Variants in SHOX observed in about 807,000 individuals in gnomAD.
The protein encoded by SHOX is SHOX homeobox, also known as short stature homeobox protein.
In SHOX, 12 loss-of-function variants were observed where a neutral mutation model predicts 29.6. That is an observed-to-expected ratio of 0.41 (90% confidence interval 0.26 to 0.66). The LOEUF (loss-of-function observed/expected upper bound fraction) is 0.66. SHOX is among the 30% of genes least tolerant of loss of function. The pLI, the probability that SHOX is intolerant of heterozygous loss-of-function variation, is 0.35. For missense variants in SHOX, 499 were observed against 437.7 expected, an observed-to-expected ratio of 1.14 and a Z score of -1.25; for synonymous variants, 214 against 200.6, an observed-to-expected ratio of 1.07 and a Z score of -0.57.
Position 649,020 on chromosome X carries a change from T to G in SHOX, c.*4384T>G, listed in dbSNP as rs2053011178. Among the ~76,000 whole-genome samples the G allele has an allele frequency of 7.9e-6, 1 of 127,046 alleles. No homozygotes were observed. Among genetic ancestry groups the G allele is most frequent in the African/African-American group, 3.3e-5 (1 of 30,532 alleles). The allele number at this position is 127,046 out of a possible 152,430, so 83.3% of individuals were successfully genotyped here. A position where few individuals can be genotyped will look rare whatever the true frequency, so the allele number is the denominator to read the frequency against. The stretch of plus-strand genomic sequence containing the variant: ...TTTTCCTTTTTTGTTTCTTTCTTTC[T>G]TTTTCTTTCTTTCTTTTTCTTTCTT... On this transcript the variant is annotated 3_prime_UTR_variant, in exon 5 of 5. Transcript: ENST00000686671.
At position 645,675 on chromosome X, in the gene SHOX, G is replaced by A. The variant is rs1034339650; in HGVS notation, c.*1039G>A. Reference sequence around the variant, plus strand: ...GCCCTTTGCAAAAATCACGGGTGTAGAGATGGCCCTGGGCGCGCTGGGAGT... The same window carrying A: ...GCCCTTTGCAAAAATCACGGGTGTAAAGATGGCCCTGGGCGCGCTGGGAGT... On this transcript the variant is annotated 3_prime_UTR_variant, in exon 5 of 5. Transcript: ENST00000686671. The A allele has an allele frequency of 6.6e-6, 1 of 152,162 alleles. No individual in the cohort carries two copies. The highest frequency in any genetic ancestry group is 1.5e-5 in the Non-Finnish European group (1 of 68,052). 9.4% of individuals were successfully genotyped at this position (152,162 alleles called of 1,614,324 possible).
intron 5 of SHOX, among the ~76,000 whole-genome samples, chrX:657,915 G>T (rs1286642477): frequency 4.6e-5 from 7 of 152,130 alleles, no homozygotes; most frequent in Admixed American, 3.9e-4. Context: ...CCTTTGGAAG[G>T]CCATATATGG....
chrX:642,093 C>A (rs1444841213), intron 4 of SHOX, among the ~76,000 whole-genome samples: 2 of 152,192 alleles, frequency 1.3e-5, no homozygotes, highest in African/African-American at 4.8e-5. Flanking sequence ...CCCAAGGGCG[C>A]CCCCGCCCTG....
At chrX:633,200 T>C (rs1307881292) in intron 1 of SHOX, among the ~76,000 whole-genome samples, 2 of 152,098 alleles carry the variant, frequency 1.3e-5, no homozygotes, top group Admixed American at 1.3e-4. Flanking sequence ...CGTGGAAGCC[T>C]GGAGTTTTTG....
In SHOX at chrX:644,767, T is replaced by A. The variant is rs2052934249; in HGVS notation, c.*131T>A. ...GTGCTCCGGGCACCCCGGGAGCTCC[T>A]GCAAGAGGCCTGAGGAGGGAGGCTC... is the stretch of plus-strand genomic sequence containing the variant. On this transcript the variant is annotated 3_prime_UTR_variant, in exon 5 of 5. Coordinates refer to ENST00000686671, the MANE Select transcript of SHOX (RefSeq NM_000451.4). 8.1e-7 allele frequency: 1 copy of A among 1,239,848 alleles called. No individual in the cohort carries two copies. 76.8% of individuals were successfully genotyped at this position (1,239,848 alleles called of 1,614,324 possible).
intron 1 of SHOX, among the ~76,000 whole-genome samples, chrX:624,904 C>CTTTCTTTCTTTCTTTCTT (rs2052485772): frequency 4.2e-5 from 4 of 94,850 alleles, no homozygotes; most frequent in East Asian, 2.9e-4. Context: ...CTTTCTTTCT[C>CTTTCTTTCTTTCTTTCTT]TCTTCCTTTC....
chrX:644,509 C>A lies in SHOX; in HGVS notation c.752C>A (p.Ala251Glu), dbSNP rs746390527. The A allele has an allele frequency of 1.3e-5, 20 of 1,520,020 alleles. No homozygotes were observed. In the South Asian group the frequency reaches 2.4e-4, roughly 18 times the overall value. 94.2% of individuals were successfully genotyped at this position (1,520,020 alleles called of 1,614,324 possible). A position where few individuals can be genotyped will look rare whatever the true frequency, so the allele number is the denominator to read the frequency against. ...CCGCCGCCCTTCGGGCTGCCCATCG[C>A]GTCGCTGGCCGAGTCCGCCTCGGCC... ...FPPPPFGLPI[A>E]SLAESASAAA... The change falls in exon 5 of 5, where the codon GCG becomes GAG. Residue 251 changes from alanine to glutamate, a missense_variant. Physicochemically the swap from Ala to Glu is moderately radical, Grantham distance 107. Transcript: ENST00000686671.
intron 1 of SHOX, 48 bp from the exon 2 acceptor site, chrX:634,570 C>A (rs756210463): frequency 1.9e-6 from 3 of 1,600,904 alleles, no homozygotes; most frequent in South Asian, 1.1e-5. Flanking sequence ...CGCCACGTTG[C>A]GCAAAACCTC....
upstream of SHOX, among the ~76,000 whole-genome samples, chrX:626,332 G>C (rs1411505013): frequency 1.7e-5 from 2 of 115,902 alleles, no homozygotes; most frequent in Non-Finnish European, 1.8e-5. Context: ...CTCTGTCTCT[G>C]TCTGTATCTC....
downstream of SHOX, among the ~76,000 whole-genome samples, chrX:656,281 A>AAT (rs1272329980): frequency 3.8e-4 from 58 of 150,944 alleles, no homozygotes; most frequent in South Asian, 1.3e-3. Flanking sequence ...GTTTCTCCAA[A>AAT]AAATCAAAAA....
At chrX:652,515 G>C (rs2053082209), downstream of SHOX, among the ~76,000 whole-genome samples, 1 of 151,904 alleles carries the variant, frequency 6.6e-6, no homozygotes, top group African/African-American at 2.4e-5. Context: ...TTACAGGGTG[G>C]GCAGTGCTGG....
In SHOX at chrX:643,019, A is replaced by G. The variant is rs180715409; in HGVS notation, c.634-1372A>G. Among the ~76,000 whole-genome samples the G allele has an allele frequency of 3.9e-3, 518 of 132,870 alleles. 18 individuals carry two copies. In the East Asian group the frequency reaches 0.092, roughly 23 times the overall value. 87.2% of individuals were successfully genotyped at this position (132,870 alleles called of 152,430 possible). A position where few individuals can be genotyped will look rare whatever the true frequency, so the allele number is the denominator to read the frequency against. Reference sequence around the variant, plus strand: ...AGGCTTGGGGACCTGGTGTCTCTGGAAGAGGCTTGGACACCTGGTGACCCG... The same window carrying G: ...AGGCTTGGGGACCTGGTGTCTCTGGGAGAGGCTTGGACACCTGGTGACCCG... On this transcript the variant is annotated intron_variant, in intron 4 of 4. Transcript: ENST00000686671.
At chrX:655,168 T>C (rs1190856459), downstream of SHOX, among the ~76,000 whole-genome samples, 6 of 151,208 alleles carry the variant, frequency 4.0e-5, no homozygotes, top group South Asian at 6.3e-4. Flanking sequence ...AGTGCAGTGG[T>C]GCCATCTCAG....
chrX:631,979 G>C lies in SHOX; in HGVS notation c.277+805G>C, dbSNP rs757092111. On this transcript the variant is annotated intron_variant, in intron 1 of 4. Coordinates refer to ENST00000686671, the MANE Select transcript of SHOX (RefSeq NM_000451.4). ...CCCCGGAGATCACGGGAAGACTCGA[G>C]GCTGCGTGGTAGGAGACGGGAAGGC... The C allele has an allele frequency of 4.4e-6, 2 of 456,134 alleles. 1 individual carries two copies. The highest frequency in any genetic ancestry group is 3.1e-5 in the South Asian group (2 of 64,566). 28.3% of individuals were successfully genotyped at this position (456,134 alleles called of 1,614,324 possible). A position where few individuals can be genotyped will look rare whatever the true frequency, so the allele number is the denominator to read the frequency against.
upstream of SHOX, among the ~76,000 whole-genome samples, chrX:626,856 CTG>C (rs2052548269): frequency 6.6e-6 from 1 of 151,076 alleles, no homozygotes; most frequent in South Asian, 2.1e-4. Context: ...GTCTCTCTGT[CTG>C]TCTCTGTCTC....
intron 1 of SHOX, among the ~76,000 whole-genome samples, chrX:633,175 A>G (rs1239210249): frequency 6.6e-6 from 1 of 151,924 alleles, no homozygotes; most frequent in Non-Finnish European, 1.5e-5. Context: ...AGGGCAGGGG[A>G]GAGTCTGAGG....
At chrX:641,109 T>G (rs2052846682) in intron 4 of SHOX, 22 bp downstream of exon 4, 2 of 1,608,122 alleles carry the variant, frequency 1.2e-6, no homozygotes, top group Non-Finnish European at 1.7e-6. Context: ...TTTCTTCCTC[T>G]GAAGATCCCT....
Position 644,637 on chromosome X carries a change from C to T in SHOX, c.*1C>T, listed in dbSNP as rs932604907. On this transcript the variant is annotated 3_prime_UTR_variant, in exon 5 of 5. Coordinates refer to ENST00000686671, the MANE Select transcript of SHOX (RefSeq NM_000451.4). ...GCACGCGGAGGCCCTGGGGCTCTGA[C>T]CCGCCGCGCAGCCCCCCGCGCGCCC... is the stretch of plus-strand genomic sequence containing the variant. 12 of 1,473,532 alleles carry T rather than the reference C, an allele frequency of 8.1e-6. No individual in the cohort carries two copies. The highest frequency in any genetic ancestry group is 5.9e-5 in the African/African-American group (4 of 67,942). The allele number at this position is 1,473,532 out of a possible 1,614,324, so 91.3% of individuals were successfully genotyped here. A position where few individuals can be genotyped will look rare whatever the true frequency, so the allele number is the denominator to read the frequency against.
chrX:654,107 G>C (rs187301948), downstream of SHOX, among the ~76,000 whole-genome samples: 27 of 151,786 alleles, frequency 1.8e-4, no homozygotes, highest in African/African-American at 6.5e-4. Flanking sequence ...GAACAATAGT[G>C]GCCAAAACCA....
Sources: gnomAD v4.1 joint callset for allele counts (sites outside exome capture counted in the v4.1 genomes callset) on GRCh38, gnomAD v4.1.1 for gene constraint, MANE v1.5 for transcripts, NCBI Gene and HGNC (gene_info 2026-07-23, HGNC 2026-07-21) for gene names.